The following GPC3 variants were observed in gnomAD, a reference collection of about 807,000 sequenced individuals.
GPC3 encodes glypican 3, also known as glypican-3.
In GPC3, 3 loss-of-function variants were observed where a neutral mutation model predicts 34.4. The observed-to-expected ratio is 0.09, with a 90% CI of 0.04 to 0.23. The LOEUF (loss-of-function observed/expected upper bound fraction) is 0.23, where lower values mean the gene tolerates loss of function less well. Among genes scored for constraint, GPC3 ranks in the 10% least tolerant of loss-of-function variants. The pLI is 1.00. For missense variants in GPC3, 351 were observed against 445.6 expected, an observed-to-expected ratio of 0.79 and a Z score of 1.91; for synonymous variants, 177 against 174.0, an observed-to-expected ratio of 1.02 and a Z score of -0.13.
chrX:133,839,339 G>A (rs1407952401), intron 2 of GPC3, among the ~76,000 whole-genome samples: 1 of 111,682 alleles, frequency 9.0e-6, no homozygotes. Context: ...AGGGGGGTCT[G>A]GGAATCCTGG....
At chrX:133,813,285 G>T (rs1299561963) in intron 2 of GPC3, among the ~76,000 whole-genome samples, 1 of 112,484 alleles carries the variant, frequency 8.9e-6, no homozygotes, top group African/African-American at 3.2e-5. Context: ...TTAGGGCAAA[G>T]AATGTCCAAG....
chrX:133,880,159 T>G (rs757380979), intron 2 of GPC3, among the ~76,000 whole-genome samples: 5 of 112,263 alleles, frequency 4.5e-5, no homozygotes, highest in Non-Finnish European at 9.4e-5. Context: ...AACCCTCATG[T>G]GATAAAAAAT....
At chrX:133,817,330 G>A (rs1459145992) in intron 2 of GPC3, among the ~76,000 whole-genome samples, 1 of 111,573 alleles carries the variant, frequency 9.0e-6, no homozygotes, top group Non-Finnish European at 1.9e-5. Flanking sequence ...TTACAGTGAT[G>A]CCAGACAAAT....
intron 3 of GPC3, among the ~76,000 whole-genome samples, chrX:133,734,392 A>T (rs1478570683): frequency 2.2e-4 from 24 of 111,472 alleles, no homozygotes; most frequent in Non-Finnish European, 3.6e-4. Flanking sequence ...GAACTTCCTC[A>T]ACTTGAAAAA....
At chrX:133,608,475 G>A in intron 6 of GPC3, among the ~76,000 whole-genome samples, 1 of 112,187 alleles carries the variant, frequency 8.9e-6, no homozygotes, top group East Asian at 2.8e-4. Context: ...TTTCTTCAGG[G>A]AACTGAGGTT....
At chrX:133,757,783 T>C (rs928182896) in intron 2 of GPC3, among the ~76,000 whole-genome samples, 2 of 111,536 alleles carry the variant, frequency 1.8e-5, no homozygotes, top group African/African-American at 6.5e-5. Context: ...TAAAAAATGG[T>C]CCTTGTTTTC....
chrX:133,621,338 C>T (rs915431956), intron 6 of GPC3, among the ~76,000 whole-genome samples: 11 of 111,613 alleles, frequency 9.9e-5, no homozygotes, highest in African/African-American at 3.6e-4. Flanking sequence ...GAGCGTGAGC[C>T]GAAGCAGGGC....
chrX:133,610,827 G>A (rs1305385176), intron 6 of GPC3, among the ~76,000 whole-genome samples: 1 of 104,570 alleles, frequency 9.6e-6, no homozygotes, highest in Non-Finnish European at 1.9e-5. Flanking sequence ...ACCTTACAAG[G>A]GAATTAGAAA....
intron 5 of GPC3, among the ~76,000 whole-genome samples, chrX:133,672,307 C>T (rs897292066): frequency 2.7e-5 from 3 of 111,761 alleles, no homozygotes; most frequent in African/African-American, 6.5e-5. Flanking sequence ...TTGTGAGAAT[C>T]GCAAGCTAGG....
chrX:133,767,181 A>G (rs191840752), intron 2 of GPC3, among the ~76,000 whole-genome samples: 18 of 111,380 alleles, frequency 1.6e-4, no homozygotes, highest in African/African-American at 5.6e-4. Flanking sequence ...TTAATACCTC[A>G]GCTGTTTGGC....
intron 2 of GPC3, among the ~76,000 whole-genome samples, chrX:133,920,583 T>C (rs986918031): frequency 9.0e-6 from 1 of 111,495 alleles, no homozygotes. Flanking sequence ...TATTGGAATA[T>C]GAAAATACAC....
chrX:133,625,559 A>G (rs1376191834), intron 6 of GPC3, among the ~76,000 whole-genome samples: 1 of 111,858 alleles, frequency 8.9e-6, no homozygotes, highest in African/African-American at 3.2e-5. Flanking sequence ...GTGAACTCCC[A>G]TTCACAATTG....
At chrX:133,892,878 G>T (rs545941542) in intron 2 of GPC3, among the ~76,000 whole-genome samples, 11 of 111,646 alleles carry the variant, frequency 9.9e-5, no homozygotes, top group African/African-American at 3.6e-4. Context: ...AGAAACCAGA[G>T]ATTTATATGC....
At chrX:133,657,977 T>G (rs1295218286) in intron 6 of GPC3, among the ~76,000 whole-genome samples, 1 of 108,580 alleles carries the variant, frequency 9.2e-6, no homozygotes, top group Non-Finnish European at 1.9e-5. Context: ...TGTTGGAGCA[T>G]GCTATTGTAG....
At chrX:133,818,475 GT>G (rs1381024410) in intron 2 of GPC3, among the ~76,000 whole-genome samples, 3 of 111,641 alleles carry the variant, frequency 2.7e-5, no homozygotes, top group South Asian at 3.7e-4. Flanking sequence ...GCAGCTAGGT[GT>G]TTCCAGAGTT....
chrX:133,870,440 G>C (rs73567099), intron 2 of GPC3, among the ~76,000 whole-genome samples: 5,044 of 111,158 alleles, frequency 0.045, 271 homozygotes, highest in African/African-American at 0.16. Flanking sequence ...CTTAACTTTA[G>C]CTGAGCCCTG....
intron 2 of GPC3, among the ~76,000 whole-genome samples, chrX:133,825,651 C>T (rs2075742458): frequency 8.9e-6 from 1 of 111,782 alleles, no homozygotes; most frequent in Non-Finnish European, 1.9e-5. Context: ...AAGATATCCA[C>T]AGGGGCTTTG....
chrX:133,774,104 G>A (rs769151919), intron 2 of GPC3, among the ~76,000 whole-genome samples: 13 of 112,325 alleles, frequency 1.2e-4, no homozygotes, highest in African/African-American at 3.9e-4. Flanking sequence ...GTTTTATCCC[G>A]TACAATTTTG....
chrX:133,975,453 G>T (rs1313007111), intron 1 of GPC3, among the ~76,000 whole-genome samples: 1 of 110,403 alleles, frequency 9.1e-6, no homozygotes, highest in African/African-American at 3.3e-5. Flanking sequence ...TTTGAGACAG[G>T]GTCTCTCTCT....
Sources: gnomAD v4.1 joint callset for allele counts (sites outside exome capture counted in the v4.1 genomes callset) on GRCh38, gnomAD v4.1.1 for gene constraint, MANE v1.5 for transcripts, NCBI Gene and HGNC (gene_info 2026-07-23, HGNC 2026-07-21) for gene names.